Variants in NUP153 observed in about 807,000 individuals in gnomAD.
NUP153 encodes nuclear pore complex protein Nup153.
A neutral mutation model predicts 134.6 loss-of-function variants in NUP153; 27 were observed. That is an observed-to-expected ratio of 0.20 (90% CI 0.15 to 0.28). NUP153 has a LOEUF of 0.28. Ranked by LOEUF, NUP153 falls within the 10% of genes least tolerant of loss-of-function variation. NUP153 has a pLI of 1.00. For synonymous variants in NUP153, 640 were observed against 623.5 expected (o/e 1.03, Z -0.40); for missense variants, 1,821 against 1,731.3 (o/e 1.05, Z -0.92).
At position 17,675,414 on chromosome 6, in the gene NUP153, G is replaced by C; in HGVS notation, c.584-46C>G. On this transcript the variant is annotated intron_variant, in intron 3 of 21. Coordinates refer to ENST00000262077, the MANE Select transcript of NUP153 (RefSeq NM_005124.4). This position sits in a 1 kb window ranked among gnomAD's most constrained non-coding sequence, Gnocchi z 4.4. ...CCATAGTAATAACACCAATACAAGA[G>C]CCTAGATTTTTATAAATAGAAAATA... 6.3e-7 allele frequency: 1 copy of C among 1,575,306 alleles called. No homozygotes were observed. Among genetic ancestry groups the C allele is most frequent in the African/African-American group, 1.4e-5 (1 of 72,692 alleles).
intron 1 of NUP153, among the ~76,000 whole-genome samples, chr6:17,700,113 A>C (rs970970066): frequency 6.6e-6 from 1 of 152,190 alleles, no homozygotes; most frequent in Non-Finnish European, 1.5e-5. Context: ...AGAAGCAGGA[A>C]AATTCAGAGA....
At position 17,675,448 on chromosome 6, in the gene NUP153, A is replaced by G; in HGVS notation, c.583+74T>C. 1 of 1,574,332 alleles carries G rather than the reference A, an allele frequency of 6.4e-7. No homozygotes were observed. Among genetic ancestry groups the G allele is most frequent in the South Asian group, 1.2e-5 (1 of 84,574 alleles). Reference sequence around the variant, plus strand: ...TTTATAAATAGAAAATAAAAATTACAACCAAGTCAGAAAAAAAACCCATAA... The same window carrying G: ...TTTATAAATAGAAAATAAAAATTACGACCAAGTCAGAAAAAAAACCCATAA... On this transcript the variant is annotated intron_variant, in intron 3 of 21. Coordinates refer to ENST00000262077, the MANE Select transcript of NUP153 (RefSeq NM_005124.4). The surrounding 1 kb of genome is among the most constrained non-coding windows in gnomAD (Gnocchi z 4.4).
At chr6:17,655,895 T>C (rs1478161744) in intron 11 of NUP153, among the ~76,000 whole-genome samples, 1 of 152,206 alleles carries the variant, frequency 6.6e-6, no homozygotes, top group Non-Finnish European at 1.5e-5. Flanking sequence ...TCCAAACCTA[T>C]TCTATACAGA....
At chr6:17,642,445 G>GC (rs1765885736) in intron 14 of NUP153, among the ~76,000 whole-genome samples, 1 of 152,026 alleles carries the variant, frequency 6.6e-6, no homozygotes. Flanking sequence ...TGGACAATAA[G>GC]CACCTGAAAA....
chr6:17,622,930 A>C (rs1240175159), intron 20 of NUP153, among the ~76,000 whole-genome samples: 3 of 152,066 alleles, frequency 2.0e-5, no homozygotes, highest in Non-Finnish European at 4.4e-5. Context: ...GGAGATCAAG[A>C]CCACCCTGGC....
At position 17,669,563 on chromosome 6, in the gene NUP153, A is replaced by G. The variant is rs368557255; in HGVS notation, c.853-17T>C. On this transcript the variant is annotated splice_polypyrimidine_tract_variant and intron_variant, in intron 5 of 21. Transcript: ENST00000262077. ...AACTGGTGCCTGTAAAGTAAACCCT[A>G]TATTATTTGTTGCAACATAAAATCT... is the stretch of plus-strand genomic sequence containing the variant. 3.3e-6 allele frequency: 5 copies of G among 1,506,994 alleles called. No homozygotes were observed. Among genetic ancestry groups the G allele is most frequent in the South Asian group, 1.1e-5 (1 of 88,626 alleles). 93.4% of individuals were successfully genotyped at this position (1,506,994 alleles called of 1,614,324 possible). A position where few individuals can be genotyped will look rare whatever the true frequency, so the allele number is the denominator to read the frequency against.
intron 2 of NUP153, among the ~76,000 whole-genome samples, chr6:17,684,675 G>A (rs1394918611): frequency 6.6e-6 from 1 of 152,180 alleles, no homozygotes; most frequent in Non-Finnish European, 1.5e-5. Flanking sequence ...GCCTGTCTCA[G>A]CTGTCCACAT....
chr6:17,704,900 C>T (rs1770378578), intron 1 of NUP153, among the ~76,000 whole-genome samples: 1 of 152,118 alleles, frequency 6.6e-6, no homozygotes, highest in Admixed American at 6.5e-5. Flanking sequence ...GCTGGGACTA[C>T]AGGCGCCTGC....
chr6:17,616,411 A>C (rs1764328486), intron 21 of NUP153, 116 bp downstream of exon 21: 1 of 939,708 alleles, frequency 1.1e-6, no homozygotes, highest in South Asian at 1.8e-5. Context: ...ATGTTGGAGA[A>C]CATATTTAAT....
chr6:17,625,690 G>T lies in NUP153; in HGVS notation c.3901+118C>A. 1.3e-6 allele frequency: 1 copy of T among 763,386 alleles called. No homozygotes were observed. The highest frequency in any genetic ancestry group is 1.7e-5 in the South Asian group (1 of 59,078). 47.3% of individuals were successfully genotyped at this position (763,386 alleles called of 1,614,324 possible). On this transcript the variant is annotated intron_variant, in intron 19 of 21. Coordinates refer to ENST00000262077, the MANE Select transcript of NUP153 (RefSeq NM_005124.4). This position sits in a 1 kb window ranked among gnomAD's most constrained non-coding sequence, Gnocchi z 4.7. The stretch of plus-strand genomic sequence containing the variant: ...TAATTAAAACAACCCTGGTATAGAT[G>T]ACCAAAAGGCATTCCCACCATTTTG...
intron 1 of NUP153, among the ~76,000 whole-genome samples, chr6:17,700,237 C>CATAT (rs140431622): frequency 2.6e-5 from 4 of 152,056 alleles, no homozygotes; most frequent in Admixed American, 6.6e-5. Context: ...ATTTCAATTG[C>CATAT]ATATATATAA....
intron 2 of NUP153, among the ~76,000 whole-genome samples, chr6:17,686,000 T>C (rs1768898677): frequency 6.6e-6 from 1 of 151,898 alleles, no homozygotes; most frequent in Non-Finnish European, 1.5e-5. Context: ...TAAAAAAAAT[T>C]TGCTGGGCGT....
At chr6:17,634,479 C>G (rs1404599201) in intron 16 of NUP153, among the ~76,000 whole-genome samples, 2 of 151,920 alleles carry the variant, frequency 1.3e-5, no homozygotes, top group African/African-American at 4.8e-5. Flanking sequence ...CTCTGTTGCC[C>G]AGGGTGGAGT....
At chr6:17,649,973 G>A (rs1048123671) in intron 11 of NUP153, among the ~76,000 whole-genome samples, 1 of 152,118 alleles carries the variant, frequency 6.6e-6, no homozygotes, top group East Asian at 1.9e-4. Flanking sequence ...GTAACTGTCA[G>A]TACTGAGGAG....
chr6:17,619,341 G>A (rs935990530), intron 20 of NUP153, among the ~76,000 whole-genome samples: 2 of 152,204 alleles, frequency 1.3e-5, no homozygotes, highest in Non-Finnish European at 2.9e-5. Context: ...ATCACTGGAA[G>A]ATGTGCTGTA....
chr6:17,673,095 G>A (rs1295082811), intron 5 of NUP153, among the ~76,000 whole-genome samples: 4 of 152,014 alleles, frequency 2.6e-5, no homozygotes, highest in African/African-American at 4.8e-5. Context: ...CTGGCTGGGC[G>A]CGGTGGCTCA....
intron 11 of NUP153, among the ~76,000 whole-genome samples, chr6:17,654,095 G>A (rs376753315): frequency 3.3e-5 from 5 of 152,204 alleles, no homozygotes; most frequent in East Asian, 3.9e-4. Flanking sequence ...GTGTGTATAC[G>A]CTGCACAGTT....
intron 1 of NUP153, among the ~76,000 whole-genome samples, chr6:17,702,532 C>T (rs1316637309): frequency 1.3e-5 from 2 of 150,190 alleles, no homozygotes; most frequent in Non-Finnish European, 3.0e-5. Context: ...AAAAATCAGC[C>T]GTTTGTGGTG....
Position 17,616,154 on chromosome 6 carries a change from A to G in NUP153, c.4371T>C (p.Ser1457=). The G allele has an allele frequency of 5.0e-6, 8 of 1,613,880 alleles. No homozygotes were observed. Among genetic ancestry groups the G allele is most frequent in the Non-Finnish European group, 6.8e-6 (8 of 1,179,850 alleles). ...VGSNGKNVFS[S]SGTSFSGRKI... ...TGCGACCAGAGAATGAAGTTCCAGA[A>G]GAAGAGAACACATTTTTCCCATTTG... The change falls in exon 22 of 22, where the codon TCT becomes TCC. Residue 1457 remains serine (S), a synonymous_variant. Transcript: ENST00000262077.
Sources: gnomAD v4.1 joint callset for allele counts (sites outside exome capture counted in the v4.1 genomes callset) on GRCh38, gnomAD v4.1.1 for gene constraint, Gnocchi (gnomAD v3.1) non-coding constraint, MANE v1.5 for transcripts, NCBI Gene and HGNC (gene_info 2026-07-23, HGNC 2026-07-21) for gene names.